NRXN1: variants seen among roughly 807,000 people sequenced by gnomAD.
The protein encoded by NRXN1 is neurexin 1.
In NRXN1, 39 loss-of-function variants were observed where a neutral mutation model predicts 150.9. The ratio of observed to expected loss-of-function variants is 0.26; its 90% CI spans 0.20 to 0.34. The LOEUF (loss-of-function observed/expected upper bound fraction) is 0.34, where lower values mean the gene tolerates loss of function less well. Ranked by LOEUF, NRXN1 falls within the 10% of genes least tolerant of loss-of-function variation. The pLI is 1.00. For missense variants in NRXN1, 1,815 were observed against 1,949.9 expected (o/e 0.93, Z 1.30); for synonymous variants, 924 against 757.0 (o/e 1.22, Z -3.62).
At chr2:50,610,642 C>CATACATATATATATATAT (rs1553879967) in intron 8 of NRXN1, among the ~76,000 whole-genome samples, 5 of 42,872 alleles carry the variant, frequency 1.2e-4, no homozygotes, top group African/African-American at 3.8e-4. Context: ...TAAATAGATA[C>CATACATATATATATATAT]ATATATATAT....
chr2:50,430,810 C>T (rs569528265), intron 17 of NRXN1, among the ~76,000 whole-genome samples: 6 of 152,172 alleles, frequency 3.9e-5, no homozygotes, highest in African/African-American at 1.4e-4. Flanking sequence ...ATCCTTACTA[C>T]CATTTGGACA....
intron 19 of NRXN1, among the ~76,000 whole-genome samples, chr2:50,061,031 C>T (rs1187164338): frequency 6.6e-6 from 1 of 152,134 alleles, no homozygotes; most frequent in African/African-American, 2.4e-5. Context: ...TGTTTAGGTT[C>T]TCCAGCGACT....
intron 5 of NRXN1, among the ~76,000 whole-genome samples, chr2:50,633,470 T>C (rs1188507324): frequency 6.6e-6 from 1 of 152,020 alleles, no homozygotes; most frequent in Non-Finnish European, 1.5e-5. Context: ...CTCCATCCAT[T>C]CGTGTGCTTC....
chr2:50,965,312 A>G (rs533996776), intron 2 of NRXN1, among the ~76,000 whole-genome samples: 1 of 151,484 alleles, frequency 6.6e-6, no homozygotes, highest in African/African-American at 2.4e-5. Flanking sequence ...TGCTCTATGA[A>G]TGGGGAGTAT....
chr2:50,156,218 T>C (rs912753106), intron 18 of NRXN1, among the ~76,000 whole-genome samples: 4 of 151,854 alleles, frequency 2.6e-5, no homozygotes, highest in Non-Finnish European at 5.9e-5. Flanking sequence ...AAAATGAATG[T>C]GAAGATACCC....
At chr2:50,338,733 G>C (rs957055910) in intron 17 of NRXN1, among the ~76,000 whole-genome samples, 3 of 151,324 alleles carry the variant, frequency 2.0e-5, no homozygotes, top group African/African-American at 7.3e-5. Context: ...ATAAAACAAT[G>C]TGTTGCTGCA....
chr2:50,406,814 G>C (rs1230296000), intron 17 of NRXN1, among the ~76,000 whole-genome samples: 1 of 152,054 alleles, frequency 6.6e-6, no homozygotes, highest in East Asian at 1.9e-4. Context: ...GGTCTACTTG[G>C]GAGGTTGATA....
chr2:50,812,287 G>A (rs1668322687), intron 5 of NRXN1, among the ~76,000 whole-genome samples: 1 of 152,080 alleles, frequency 6.6e-6, no homozygotes, highest in Non-Finnish European at 1.5e-5. Context: ...AGATAATTGG[G>A]AATTAAATAT....
intron 17 of NRXN1, among the ~76,000 whole-genome samples, chr2:50,287,511 T>G (rs1180882415): frequency 2.6e-5 from 4 of 151,990 alleles, no homozygotes; most frequent in Non-Finnish European, 5.9e-5. Context: ...GAGATCACAT[T>G]GTCTGAATAT....
At chr2:50,976,872 G>A (rs1695926771) in intron 2 of NRXN1, among the ~76,000 whole-genome samples, 1 of 151,972 alleles carries the variant, frequency 6.6e-6, no homozygotes, top group Non-Finnish European at 1.5e-5. Context: ...TTCATATTAA[G>A]ATATAGCCAA....
chr2:50,406,027 T>A (rs58503049), intron 17 of NRXN1, among the ~76,000 whole-genome samples: 14 of 152,122 alleles, frequency 9.2e-5, no homozygotes, highest in Admixed American at 7.2e-4. Context: ...TGATAAATAG[T>A]GAAATCAAGA....
At chr2:49,935,846 A>C (rs1670934880) in intron 22 of NRXN1, among the ~76,000 whole-genome samples, 1 of 152,218 alleles carries the variant, frequency 6.6e-6, no homozygotes, top group Non-Finnish European at 1.5e-5. Flanking sequence ...TCATGTTTTC[A>C]TAAGAGGTAA....
At chr2:50,400,913 C>T (rs147148927) in intron 17 of NRXN1, among the ~76,000 whole-genome samples, 5 of 152,186 alleles carry the variant, frequency 3.3e-5, no homozygotes, top group East Asian at 3.9e-4. Context: ...GTTGATGCTC[C>T]GCAAGATATA....
At chr2:50,591,399 G>GATAGATAGATAA (rs1674197163) in intron 8 of NRXN1, among the ~76,000 whole-genome samples, 1 of 134,932 alleles carries the variant, frequency 7.4e-6, no homozygotes, top group Non-Finnish European at 1.7e-5. Flanking sequence ...TAGATAGATA[G>GATAGATAGATAA]ATAGATAGAT....
At chr2:50,920,084 T>C in intron 5 of NRXN1, 1 of 274,084 alleles carries the variant, frequency 3.6e-6, no homozygotes, top group South Asian at 3.3e-5. Context: ...GGTACCAATG[T>C]GATTTGCAAA....
intron 12 of NRXN1, among the ~76,000 whole-genome samples, chr2:50,517,875 G>A (rs2092674475): frequency 6.6e-6 from 1 of 152,110 alleles, no homozygotes; most frequent in Non-Finnish European, 1.5e-5. Flanking sequence ...TTTCCTAAAT[G>A]ATAGCAAACT....
At chr2:50,885,206 C>T (rs1390984035) in intron 5 of NRXN1, among the ~76,000 whole-genome samples, 1 of 151,554 alleles carries the variant, frequency 6.6e-6, no homozygotes, top group Non-Finnish European at 1.5e-5. Context: ...ACAGTATGTA[C>T]TATCTTTTTT....
intron 18 of NRXN1, among the ~76,000 whole-genome samples, chr2:50,218,697 G>C (rs2152853960): frequency 6.6e-6 from 1 of 151,938 alleles, no homozygotes. Flanking sequence ...TTTTAAATTA[G>C]AGTATCTTTA....
chr2:50,119,320 T>C (rs1175477072), intron 18 of NRXN1, among the ~76,000 whole-genome samples: 2 of 150,864 alleles, frequency 1.3e-5, no homozygotes, highest in Admixed American at 6.7e-5. Context: ...ATGGGACACA[T>C]TTCCTGCCAA....
Sources: gnomAD v4.1 joint callset for allele counts (sites outside exome capture counted in the v4.1 genomes callset) on GRCh38, gnomAD v4.1.1 for gene constraint, MANE v1.5 for transcripts, NCBI Gene and HGNC (gene_info 2026-07-23, HGNC 2026-07-21) for gene names.